Variants in ZBTB20 observed in about 807,000 individuals in gnomAD.
ZBTB20 encodes the protein zinc finger and BTB domain-containing protein 20.
A neutral mutation model predicts 56.9 loss-of-function variants in ZBTB20; 9 were observed. The observed-to-expected ratio is 0.16, with a 90% CI of 0.10 to 0.28. The LOEUF (loss-of-function observed/expected upper bound fraction) is 0.28, where lower values mean the gene tolerates loss of function less well. Ranked by LOEUF, ZBTB20 falls within the 10% of genes least tolerant of loss-of-function variation. The pLI is 1.00. For synonymous variants in ZBTB20, 417 were observed against 420.7 expected, an observed-to-expected ratio of 0.99 and a Z score of 0.11; for missense variants, 655 against 1,003.0, an observed-to-expected ratio of 0.65 and a Z score of 4.69.
intron 7 of ZBTB20, among the ~76,000 whole-genome samples, chr3:114,409,922 T>C (rs1036237704): frequency 1.3e-5 from 2 of 152,202 alleles, no homozygotes; most frequent in Non-Finnish European, 2.9e-5. Context: ...GGTGACTATA[T>C]GTTGGGATTC....
intron 4 of ZBTB20, among the ~76,000 whole-genome samples, chr3:114,848,209 A>T (rs2074813581): frequency 6.6e-6 from 1 of 152,270 alleles, no homozygotes; most frequent in African/African-American, 2.4e-5. Flanking sequence ...TGATGCCTCC[A>T]TGCCACCACC....
At chr3:114,768,160 A>G (rs567616788) in intron 5 of ZBTB20, among the ~76,000 whole-genome samples, 3 of 152,094 alleles carry the variant, frequency 2.0e-5, no homozygotes, top group African/African-American at 7.2e-5. Flanking sequence ...TACAAAACAA[A>G]CCGAGCAAAA....
intron 7 of ZBTB20, among the ~76,000 whole-genome samples, chr3:114,396,887 A>C (rs2086379041): frequency 6.6e-6 from 1 of 151,912 alleles, no homozygotes; most frequent in African/African-American, 2.4e-5. Flanking sequence ...CTTAGCTCTC[A>C]TACTCCTTCT....
chr3:114,743,005 C>A (rs550748467), intron 5 of ZBTB20, among the ~76,000 whole-genome samples: 29 of 152,274 alleles, frequency 1.9e-4, no homozygotes, highest in South Asian at 8.3e-4. Context: ...CCATCATGTT[C>A]ACTTTGACAT....
At chr3:114,729,643 C>A (rs570595154) in intron 5 of ZBTB20, among the ~76,000 whole-genome samples, 1 of 151,910 alleles carries the variant, frequency 6.6e-6, no homozygotes, top group Non-Finnish European at 1.5e-5. Flanking sequence ...AGGTCTAGTA[C>A]GTAAGTAAAT....
At position 115,039,041 on chromosome 3, in the gene ZBTB20, TC is replaced by T. The variant is rs1390035418; in HGVS notation, c.-507+32177del. On this transcript the variant is annotated intron_variant, in intron 2 of 11. Transcript: ENST00000675478. ...TCCTTGGATAAGAGGAGATAGCATC[TC>T]CAGTAAGGTCAAATATGAGTCAACC... 7.2e-5 allele frequency among the ~76,000 whole-genome samples: 11 copies of T among 152,154 alleles called. No homozygotes were observed. In the East Asian group the frequency reaches 7.7e-4, roughly 11 times the overall value.
intron 4 of ZBTB20, among the ~76,000 whole-genome samples, chr3:114,829,249 A>G (rs2073709567): frequency 6.6e-6 from 1 of 151,920 alleles, no homozygotes; most frequent in Non-Finnish European, 1.5e-5. Context: ...TCTATGAAGA[A>G]CTGGCAAAAT....
chr3:115,136,454 T>C (rs1035353381), intron 1 of ZBTB20, among the ~76,000 whole-genome samples: 2 of 149,876 alleles, frequency 1.3e-5, no homozygotes, highest in Non-Finnish European at 1.5e-5. Flanking sequence ...GTACCTGTTG[T>C]TAAGGAACTG....
At chr3:114,956,826 C>A (rs145049848) in intron 3 of ZBTB20, among the ~76,000 whole-genome samples, 1 of 152,172 alleles carries the variant, frequency 6.6e-6, no homozygotes, top group South Asian at 2.1e-4. Flanking sequence ...GGATGACTCA[C>A]TTTGACAGGA....
intron 7 of ZBTB20, among the ~76,000 whole-genome samples, chr3:114,397,070 T>G (rs945701462): frequency 6.6e-6 from 1 of 152,164 alleles, no homozygotes; most frequent in African/African-American, 2.4e-5. Flanking sequence ...GATCAACCAT[T>G]TCAACACTGT....
chr3:114,842,222 C>T (rs2074412197), intron 4 of ZBTB20, among the ~76,000 whole-genome samples: 3 of 152,096 alleles, frequency 2.0e-5, no homozygotes, highest in South Asian at 2.1e-4. Flanking sequence ...CTTATAGCTT[C>T]TTCTTTGTTG....
intron 6 of ZBTB20, among the ~76,000 whole-genome samples, chr3:114,565,833 A>G (rs542326261): frequency 6.6e-6 from 1 of 152,106 alleles, no homozygotes; most frequent in Non-Finnish European, 1.5e-5. Context: ...TCTCATATCC[A>G]GTACTGCTCA....
chr3:115,135,128 C>T (rs1356886524), intron 1 of ZBTB20, among the ~76,000 whole-genome samples: 1 of 152,212 alleles, frequency 6.6e-6, no homozygotes. Context: ...TGGACTCCAG[C>T]ACCATTCTCC....
At chr3:114,512,470 G>A (rs1009453384) in intron 6 of ZBTB20, among the ~76,000 whole-genome samples, 3 of 151,994 alleles carry the variant, frequency 2.0e-5, no homozygotes, top group African/African-American at 7.2e-5. Flanking sequence ...TCACTGACAG[G>A]TTATTAGCCC....
At chr3:114,953,955 C>T (rs775544705) in intron 3 of ZBTB20, among the ~76,000 whole-genome samples, 127 of 152,154 alleles carry the variant, frequency 8.3e-4, no homozygotes, top group Non-Finnish European at 1.5e-3. Flanking sequence ...CTACAGTTTT[C>T]GTAAGAGTAA....
At chr3:115,031,499 G>C (rs1042136615) in intron 2 of ZBTB20, among the ~76,000 whole-genome samples, 10 of 151,324 alleles carry the variant, frequency 6.6e-5, no homozygotes, top group African/African-American at 2.4e-4. Context: ...ATAATTCAAA[G>C]TTTTCCAAGG....
chr3:115,130,170 C>T (rs187048097), intron 1 of ZBTB20, among the ~76,000 whole-genome samples: 1 of 152,040 alleles, frequency 6.6e-6, no homozygotes, highest in Non-Finnish European at 1.5e-5. Context: ...AAGTGATTTG[C>T]CTATAATCAT....
chr3:114,670,572 T>G (rs11713123), intron 6 of ZBTB20, among the ~76,000 whole-genome samples: 7,140 of 152,076 alleles, frequency 0.047, 217 homozygotes, highest in Middle Eastern at 0.15. Context: ...GCCAAGTACC[T>G]CCTACCAAGA....
At chr3:114,847,482 G>C (rs900130515) in intron 4 of ZBTB20, among the ~76,000 whole-genome samples, 4 of 152,088 alleles carry the variant, frequency 2.6e-5, no homozygotes, top group African/African-American at 9.7e-5. Context: ...GGAATTAAGA[G>C]AGTCTATTTT....
Sources: allele counts gnomAD v4.1 joint callset (sites outside exome capture counted in the v4.1 genomes callset), GRCh38; gene constraint gnomAD v4.1.1; transcripts MANE v1.5; gene names NCBI Gene and HGNC (gene_info 2026-07-23, HGNC 2026-07-21).